PFKFB3: variants seen among roughly 807,000 people sequenced by gnomAD.
PFKFB3 encodes the protein 6-phosphofructo-2-kinase/fructose-2,6-bisphosphatase 3.
Under a neutral mutation model 68.0 loss-of-function variants are expected in PFKFB3, and 33 were observed. The ratio of observed to expected loss-of-function variants is 0.49; its 90% CI spans 0.37 to 0.65. The LOEUF is 0.65. Ranked by LOEUF, PFKFB3 falls within the 30% of genes least tolerant of loss-of-function variation. The probability of loss-of-function intolerance (pLI) is 0.00; values close to 1 mark genes in which losing one functional copy is unlikely to be tolerated. For synonymous variants in PFKFB3, 315 were observed against 288.2 expected (o/e 1.09, Z -0.94); for missense variants, 586 against 712.2 (o/e 0.82, Z 2.02).
chr10:6,201,800 A>G (rs1055908150), upstream of PFKFB3, among the ~76,000 whole-genome samples: 1 of 151,922 alleles, frequency 6.6e-6, no homozygotes. The surrounding 1 kb of genome is among the most constrained non-coding windows in gnomAD (Gnocchi z 4.1). Context: ...TTCGTTTGCA[A>G]AAGTTACATC....
chr10:6,305,565 C>A, the PFKFB3 span, among the ~76,000 whole-genome samples: 6 of 152,210 alleles, frequency 3.9e-5, no homozygotes, highest in African/African-American at 1.4e-4. Flanking sequence ...ATTCCTCGTT[C>A]TTGCTTTTAA....
At chr10:6,218,185 A>G (rs1461780271) in intron 6 of PFKFB3, among the ~76,000 whole-genome samples, 1 of 152,004 alleles carries the variant, frequency 6.6e-6, no homozygotes. Context: ...CTGTGAAGTC[A>G]TTTTTCCCAG....
chr10:6,156,302 C>T (rs752197851), intron 1 of PFKFB3, among the ~76,000 whole-genome samples: 4 of 151,494 alleles, frequency 2.6e-5, no homozygotes, highest in East Asian at 1.9e-4. Context: ...CGCAGGTGTG[C>T]GCCACCACAG....
rs142507003 is a variant in PFKFB3, at chr10:6,171,351, G to A, written c.16+26338G>A. On this transcript the variant is annotated intron_variant, in intron 1 of 14. Coordinates refer to the PFKFB3 transcript ENST00000379789. The stretch of plus-strand genomic sequence containing the variant: ...ATTACAGACGTAAGCCACCGGGCCC[G>A]GCCCTTCTTCTCTATTTTTAACTCA... Among the ~76,000 whole-genome samples the A allele has an allele frequency of 6.4e-3, 972 of 151,964 alleles. 5 individuals carry two copies. Among genetic ancestry groups the A allele is most frequent in the Middle Eastern group, 0.017 (5 of 294 alleles).
At chr10:6,305,969 A>G in the PFKFB3 span, among the ~76,000 whole-genome samples, 6 of 152,176 alleles carry the variant, frequency 3.9e-5, no homozygotes, top group African/African-American at 1.4e-4. Flanking sequence ...GGTCAAGACA[A>G]GCAGGTTTTG....
chr10:6,184,491 A>G (rs1842816250), intron 1 of PFKFB3, among the ~76,000 whole-genome samples: 2 of 151,358 alleles, frequency 1.3e-5, no homozygotes, highest in Admixed American at 1.3e-4. Flanking sequence ...ATTTTTTGAG[A>G]TGGAGTCTCA....
At chr10:6,262,019 CAAAA>C in the PFKFB3 span, among the ~76,000 whole-genome samples, 2 of 144,702 alleles carry the variant, frequency 1.4e-5, no homozygotes, top group Non-Finnish European at 3.0e-5. Flanking sequence ...AAACAAAAAA[CAAAA>C]AAAAAAACAC....
the PFKFB3 span, among the ~76,000 whole-genome samples, chr10:6,294,877 G>C: frequency 6.6e-6 from 1 of 151,574 alleles, no homozygotes; most frequent in African/African-American, 2.4e-5. Flanking sequence ...ATATTAATCA[G>C]TTATTTTACA....
At chr10:6,217,029 G>C in intron 5 of PFKFB3, 106 bp from the exon 6 acceptor site, 1 of 1,133,052 alleles carries the variant, frequency 8.8e-7, no homozygotes. Flanking sequence ...TTTGGGAGTT[G>C]GTGGGTGGCG....
intron 14 of PFKFB3, chr10:6,226,591 G>T (rs1381164010): frequency 3.1e-5 from 17 of 553,878 alleles, no homozygotes; most frequent in Admixed American, 1.4e-4. Flanking sequence ...AGATCCTGGG[G>T]GCTTTCCTTG....
chr10:6,166,089 C>T (rs752419904), intron 1 of PFKFB3, among the ~76,000 whole-genome samples: 3 of 151,686 alleles, frequency 2.0e-5, no homozygotes, highest in East Asian at 1.9e-4. Context: ...AAGCGATTCT[C>T]CTGCTTCAGC....
the PFKFB3 span, among the ~76,000 whole-genome samples, chr10:6,263,336 C>T: frequency 1.3e-5 from 2 of 152,224 alleles, no homozygotes; most frequent in African/African-American, 4.8e-5. Flanking sequence ...CTGGGTGGGC[C>T]AGGTGTTCCT....
intron 1 of PFKFB3, among the ~76,000 whole-genome samples, chr10:6,162,615 T>C (rs753164799): frequency 4.6e-5 from 7 of 152,250 alleles, no homozygotes; most frequent in Non-Finnish European, 7.3e-5. Context: ...ATAGTACCAA[T>C]GTGGACTCCG....
At chr10:6,254,372 A>G (rs1846456587) in exon 15 of PFKFB3, 1 of 398,524 alleles carries the variant, frequency 2.5e-6, no homozygotes, top group Admixed American at 4.4e-5. Context: ...GCTCCTAATG[A>G]TACCTGGCTG....
chr10:6,224,199 C>G lies in PFKFB3; in HGVS notation c.1327C>G (p.Arg443Gly). 1 of 1,614,102 alleles carries G rather than the reference C, an allele frequency of 6.2e-7. No individual in the cohort carries two copies. The highest frequency in any genetic ancestry group is 8.5e-7 in the Non-Finnish European group (1 of 1,180,026). The stretch of plus-strand genomic sequence containing the variant: ...GAACGTGGAGTCCGTCTGCACACAC[C>G]GGGAGAGGTCAGAGGTGAGTGGAGG... ...YLNVESVCTH[R>G]ERSEDAKKGP... Residue 443 changes from arginine (R) to glycine (G), a missense_variant, in exon 13 of 15, where the codon CGG becomes GGG. Transcript: ENST00000379775.
upstream of PFKFB3, among the ~76,000 whole-genome samples, chr10:6,199,303 C>A (rs915230843): frequency 2.6e-5 from 4 of 152,072 alleles, no homozygotes; most frequent in Admixed American, 6.6e-5. Flanking sequence ...CACGGAAATG[C>A]GGTTGCTTGT....
intron 1 of PFKFB3, among the ~76,000 whole-genome samples, chr10:6,165,972 G>T (rs1249549725): frequency 1.4e-5 from 2 of 145,192 alleles, no homozygotes; most frequent in Non-Finnish European, 1.5e-5. Flanking sequence ...GGATCACCAG[G>T]CTCAACTTTT....
intron 1 of PFKFB3, chr10:6,146,176 T>C: frequency 7.3e-7 from 1 of 1,369,752 alleles, no homozygotes; most frequent in South Asian, 1.5e-5. Context: ...GCACTGGGCC[T>C]GTGCTGTGCC....
intron 14 of PFKFB3, among the ~76,000 whole-genome samples, chr10:6,250,982 C>T (rs1031981285): frequency 2.0e-5 from 3 of 152,162 alleles, no homozygotes; most frequent in Admixed American, 2.0e-4. Context: ...GAGGTCTGAG[C>T]CTTACCCCAC....
Sources: allele counts gnomAD v4.1 joint callset (sites outside exome capture counted in the v4.1 genomes callset), GRCh38; gene constraint gnomAD v4.1.1; non-coding constraint Gnocchi (gnomAD v3.1); transcripts MANE v1.5; gene names NCBI Gene and HGNC (gene_info 2026-07-23, HGNC 2026-07-21).